Variants in NIPBL observed in about 807,000 individuals in gnomAD.
NIPBL encodes the protein nipped-B-like protein.
Under a neutral mutation model 321.8 loss-of-function variants are expected in NIPBL, and 19 were observed. That is an observed-to-expected ratio of 0.06 (90% CI 0.04 to 0.09). NIPBL has a LOEUF of 0.09. Among genes scored for constraint, NIPBL ranks in the 10% least tolerant of loss-of-function variants. The probability of loss-of-function intolerance (pLI) is 1.00; values close to 1 mark genes in which losing one functional copy is unlikely to be tolerated. For synonymous variants in NIPBL, 1,106 were observed against 1,114.1 expected (o/e 0.99, Z 0.14); for missense variants, 2,210 against 3,327.0 (o/e 0.66, Z 8.26).
At chr5:36,977,905 T>G (rs1185215101) in intron 9 of NIPBL, among the ~76,000 whole-genome samples, 2 of 151,966 alleles carry the variant, frequency 1.3e-5, no homozygotes, top group Non-Finnish European at 2.9e-5. Context: ...GATAATGGCC[T>G]CAAACTGCAT....
At chr5:36,943,521 A>G (rs1351059046) in intron 1 of NIPBL, among the ~76,000 whole-genome samples, 1 of 152,144 alleles carries the variant, frequency 6.6e-6, no homozygotes, top group Non-Finnish European at 1.5e-5. Context: ...AACTGACAAG[A>G]TGATTCTAAA....
At chr5:36,919,917 C>T (rs1055924201) in intron 1 of NIPBL, among the ~76,000 whole-genome samples, 3 of 151,960 alleles carry the variant, frequency 2.0e-5, no homozygotes, top group Admixed American at 6.6e-5. Flanking sequence ...TTTAAAATAT[C>T]TTTTAAACTT....
At chr5:36,980,319 G>A (rs1743993376) in intron 9 of NIPBL, among the ~76,000 whole-genome samples, 1 of 151,618 alleles carries the variant, frequency 6.6e-6, no homozygotes, top group South Asian at 2.1e-4. Context: ...GAAAATACAG[G>A]TATGCGGTGA....
chr5:36,908,565 A>T (rs1337471820), intron 1 of NIPBL, among the ~76,000 whole-genome samples: 3 of 152,212 alleles, frequency 2.0e-5, no homozygotes, highest in African/African-American at 7.2e-5. Flanking sequence ...AATTGGTACC[A>T]CAAGGAAATA....
chr5:36,946,782 T>G (rs1195635287), intron 1 of NIPBL, among the ~76,000 whole-genome samples: 1 of 152,142 alleles, frequency 6.6e-6, no homozygotes, highest in Non-Finnish European at 1.5e-5. Flanking sequence ...ATCAAACACT[T>G]ATATTCTAGT....
At chr5:37,008,895 G>T (rs575477012) in intron 20 of NIPBL, among the ~76,000 whole-genome samples, 172 bp downstream of exon 20, 1 of 152,200 alleles carries the variant, frequency 6.6e-6, no homozygotes, top group Non-Finnish European at 1.5e-5. Context: ...TATTTAGGGG[G>T]CTTAGAAAAC....
chr5:36,879,265 T>G (rs1272377477), intron 1 of NIPBL, among the ~76,000 whole-genome samples: 1 of 152,228 alleles, frequency 6.6e-6, no homozygotes, highest in Non-Finnish European at 1.5e-5. Context: ...ATAAGTGTGT[T>G]AGAGATGGGT....
Position 36,882,315 on chromosome 5 carries a change from A to C in NIPBL, c.-80+5137A>C. Among the ~76,000 whole-genome samples, 2 of 151,858 alleles carry C rather than the reference A, an allele frequency of 1.3e-5. 1 individual carries two copies. Among genetic ancestry groups the C allele is most frequent in the African/African-American group, 4.8e-5 (2 of 41,398 alleles). On this transcript the variant is annotated intron_variant, in intron 1 of 46. Transcript: ENST00000282516. ...TGAGTGCTTTATGTTTGTAATATGT[A>C]GTATTATTGAATGTTTCCATGTGAC...
intron 32 of NIPBL, among the ~76,000 whole-genome samples, chr5:37,033,729 TA>T (rs200281645): frequency 0.14 from 8,698 of 61,554 alleles, 913 homozygotes; most frequent in Non-Finnish European, 0.2. Context: ...TATATATATA[TA>T]TTTTTTTTTT....
intron 1 of NIPBL, among the ~76,000 whole-genome samples, chr5:36,907,439 A>C (rs1747724011): frequency 6.6e-6 from 1 of 152,200 alleles, no homozygotes; most frequent in African/African-American, 2.4e-5. Context: ...TAGATACCAG[A>C]AATTAAAATA....
chr5:36,919,380 T>A (rs1174774724), intron 1 of NIPBL, among the ~76,000 whole-genome samples: 2 of 151,906 alleles, frequency 1.3e-5, no homozygotes, highest in Admixed American at 1.3e-4. Context: ...TTTTTTTTTT[T>A]AAGAGATAGG....
chr5:36,982,969 T>C (rs1211936429), intron 9 of NIPBL, among the ~76,000 whole-genome samples: 1 of 151,972 alleles, frequency 6.6e-6, no homozygotes, highest in African/African-American at 2.4e-5. Context: ...TTCTAGAGTC[T>C]TATAAAAGTT....
chr5:37,014,599 C>A, intron 21 of NIPBL, 84 bp from the exon 22 acceptor site: 1 of 800,838 alleles, frequency 1.2e-6, no homozygotes, highest in Non-Finnish European at 2.2e-6. Flanking sequence ...ATATATTACC[C>A]CTCTTCAGTA....
At chr5:37,035,952 C>T (rs1751635699) in intron 32 of NIPBL, among the ~76,000 whole-genome samples, 1 of 151,998 alleles carries the variant, frequency 6.6e-6, no homozygotes, top group African/African-American at 2.4e-5. Flanking sequence ...AGAAATCTAC[C>T]GTTATGTTTT....
chr5:37,024,380 T>G (rs1248406888), intron 29 of NIPBL, among the ~76,000 whole-genome samples: 2 of 151,496 alleles, frequency 1.3e-5, no homozygotes, highest in African/African-American at 4.8e-5. Context: ...TGTTTCTATG[T>G]CTTAGATATC....
chr5:37,021,605 C>T (rs1410392952), intron 27 of NIPBL, among the ~76,000 whole-genome samples: 5 of 150,710 alleles, frequency 3.3e-5, no homozygotes, highest in South Asian at 2.1e-4. Context: ...CGCTTGAACC[C>T]GGGAGATGGA....
chr5:36,927,056 C>T (rs1323795531), intron 1 of NIPBL, among the ~76,000 whole-genome samples: 1 of 152,132 alleles, frequency 6.6e-6, no homozygotes, highest in Non-Finnish European at 1.5e-5. Context: ...ACACTTTTTC[C>T]TATAAATATG....
In NIPBL at chr5:36,985,971, A is replaced by G. The variant is rs769437048; in HGVS notation, c.2791A>G (p.Asn931Asp). 3.1e-6 allele frequency: 5 copies of G among 1,613,902 alleles called. No individual in the cohort carries two copies. The highest frequency in any genetic ancestry group is 4.2e-6 in the Non-Finnish European group (5 of 1,179,962). The change falls in exon 10 of 47, where the codon AAT (asparagine) becomes GAT (aspartate). Residue 931 changes from asparagine to aspartate, a missense_variant. By Grantham distance (23) the Asn-to-Asp change is conservative. This residue lies in a region of NIPBL where 588 missense variants were observed against 564.1 expected (regional missense o/e 1.04). Coordinates refer to ENST00000282516, the MANE Select transcript of NIPBL (RefSeq NM_133433.4). ...TEGNKSKVDT[N>D]KAHPDNKAEF... ...GGGTAACAAGAGTAAAGTAGACACT[A>G]ATAAAGCACACCCTGACAATAAGGC...
chr5:37,053,709 A>G (rs1417725302), intron 42 of NIPBL, among the ~76,000 whole-genome samples: 1 of 152,268 alleles, frequency 6.6e-6, no homozygotes, highest in Non-Finnish European at 1.5e-5. Flanking sequence ...TGCATTGGCC[A>G]GGACCATAGG....
Sources: allele counts gnomAD v4.1 joint callset (sites outside exome capture counted in the v4.1 genomes callset), GRCh38; gene constraint gnomAD v4.1.1; regional missense constraint gnomAD v4.1.1; transcripts MANE v1.5; gene names NCBI Gene and HGNC (gene_info 2026-07-23, HGNC 2026-07-21).